The following CDH18 variants were observed in gnomAD, a reference collection of about 807,000 sequenced individuals.
The protein encoded by CDH18 is cadherin-18.
In CDH18, 31 loss-of-function variants were observed where a neutral mutation model predicts 67.9. The ratio of observed to expected loss-of-function variants is 0.46; its 90% CI spans 0.34 to 0.62. The LOEUF (loss-of-function observed/expected upper bound fraction) is 0.62, where lower values mean the gene tolerates loss of function less well. Ranked by LOEUF, CDH18 falls within the 20% of genes least tolerant of loss-of-function variation. The pLI is 0.01. For synonymous variants in CDH18, 362 were observed against 347.2 expected (o/e 1.04, Z -0.48); for missense variants, 890 against 975.5 (o/e 0.91, Z 1.17).
At chr5:20,516,819 T>A (rs1047894476) in intron 1 of CDH18, among the ~76,000 whole-genome samples, 2 of 151,926 alleles carry the variant, frequency 1.3e-5, no homozygotes, top group Admixed American at 6.6e-5. Flanking sequence ...TTCTTAACTT[T>A]GGAGAGGCTG....
chr5:19,728,767 T>A (rs1767194890), intron 4 of CDH18, among the ~76,000 whole-genome samples: 1 of 152,184 alleles, frequency 6.6e-6, no homozygotes, highest in Non-Finnish European at 1.5e-5. Context: ...ATAAGAACTT[T>A]GAGTAAAAAT....
intron 3 of CDH18, among the ~76,000 whole-genome samples, chr5:19,820,832 G>A (rs1779795324): frequency 6.6e-6 from 1 of 151,904 alleles, no homozygotes; most frequent in Admixed American, 6.6e-5. Context: ...TACAACTAAG[G>A]AACCCATACA....
chr5:20,252,224 G>A (rs144133661), intron 2 of CDH18, among the ~76,000 whole-genome samples: 1,714 of 152,018 alleles, frequency 0.011, 34 homozygotes, highest in African/African-American at 0.039. Context: ...GGTGGCGCGC[G>A]CCTTTAGTCC....
At chr5:20,248,533 A>C (rs1743561569) in intron 2 of CDH18, among the ~76,000 whole-genome samples, 1 of 152,208 alleles carries the variant, frequency 6.6e-6, no homozygotes, top group East Asian at 1.9e-4. Context: ...TCTCATAAAC[A>C]GAGAATTCTC....
rs185386318 is a variant in CDH18, at chr5:20,279,117, G to C, written c.-579-23612C>G. Among the ~76,000 whole-genome samples, 590 of 151,878 alleles carry C rather than the reference G, an allele frequency of 3.9e-3. 1 individual carries two copies. Among genetic ancestry groups the C allele is most frequent in the Non-Finnish European group, 6.8e-3 (460 of 67,958 alleles). On this transcript the variant is annotated intron_variant, in intron 1 of 14. Transcript: ENST00000507958. ...ATCAAAAGATACAGAGTGGCAGAAT[G>C]GATAAGAAATGAGACTCAAAGATCT... is the stretch of plus-strand genomic sequence containing the variant.
At chr5:19,696,746 G>GA (rs747229072) in intron 5 of CDH18, among the ~76,000 whole-genome samples, 1 of 152,074 alleles carries the variant, frequency 6.6e-6, no homozygotes. Context: ...CATCTATGAT[G>GA]AGAGTACGGG....
chr5:20,090,472 C>T (rs1205406142), intron 2 of CDH18, among the ~76,000 whole-genome samples: 1 of 151,934 alleles, frequency 6.6e-6, no homozygotes, highest in East Asian at 1.9e-4. Flanking sequence ...GAGGCAGAGG[C>T]TGCAATGAGC....
chr5:19,543,948 A>G lies in CDH18; in HGVS notation c.1311T>C (p.Thr437=). ...GAACCTTTGTAGTCCTAATGGTCCCAGTATTGGCATCAATGTTGAAAAATC... is the reference window on the plus strand; with the variant it reads ...GAACCTTTGTAGTCCTAATGGTCCCGGTATTGGCATCAATGTTGAAAAATC... The part of the protein sequence containing the change: ...DDRFFNIDAN[T]GTIRTTKVLD... Residue 437 remains threonine (T), a synonymous_variant, in exon 9 of 13, where the codon ACT becomes ACC. Coordinates refer to ENST00000382275, the MANE Select transcript of CDH18 (RefSeq NM_004934.5). The G allele has an allele frequency of 1.9e-6, 3 of 1,597,130 alleles. No individual in the cohort carries two copies. The highest frequency in any genetic ancestry group is 2.6e-6 in the Non-Finnish European group (3 of 1,167,392).
intron 2 of CDH18, among the ~76,000 whole-genome samples, chr5:20,131,468 T>A (rs1749261234): frequency 6.6e-6 from 1 of 152,104 alleles, no homozygotes; most frequent in Admixed American, 6.6e-5. Context: ...TTTACTTATA[T>A]TAGAGTACGT....
At chr5:20,305,655 G>C (rs956663460) in intron 1 of CDH18, 4 of 417,270 alleles carry the variant, frequency 9.6e-6, no homozygotes, top group East Asian at 5.7e-5. Flanking sequence ...GGGGTGGGGG[G>C]AGCGGCGGTA....
At chr5:20,541,969 G>A (rs982007014) in intron 1 of CDH18, among the ~76,000 whole-genome samples, 31 of 151,992 alleles carry the variant, frequency 2.0e-4, no homozygotes, top group Admixed American at 1.5e-3. Context: ...TTTTTGAGAC[G>A]GAGTCTCGCT....
At chr5:19,882,809 T>C (rs987560505) in intron 2 of CDH18, among the ~76,000 whole-genome samples, 17 of 152,174 alleles carry the variant, frequency 1.1e-4, no homozygotes, top group Non-Finnish European at 2.2e-4. Flanking sequence ...GATTATGGAA[T>C]AGATATTACT....
chr5:19,704,094 G>A (rs1580966298), intron 5 of CDH18, among the ~76,000 whole-genome samples: 3 of 152,268 alleles, frequency 2.0e-5, no homozygotes, highest in African/African-American at 2.4e-5. Flanking sequence ...GAAATTAAAC[G>A]AACAGGAGGA....
intron 7 of CDH18, among the ~76,000 whole-genome samples, chr5:19,580,746 C>T (rs891140806): frequency 2.6e-5 from 4 of 151,946 alleles, no homozygotes; most frequent in Non-Finnish European, 4.4e-5. Context: ...GGACAACAGT[C>T]TGTAAGTGAT....
chr5:20,284,738 T>G (rs1449330642), intron 1 of CDH18, among the ~76,000 whole-genome samples: 2 of 151,910 alleles, frequency 1.3e-5, no homozygotes, highest in African/African-American at 4.8e-5. Flanking sequence ...AAACTAATAT[T>G]TTAAACCATC....
chr5:20,469,030 C>T (rs2471150), intron 1 of CDH18, among the ~76,000 whole-genome samples: 94,950 of 152,104 alleles, frequency 0.62, 31,336 homozygotes, highest in Non-Finnish European at 0.75. Context: ...TCAGCACTAC[C>T]ATTTTCTAGC....
At position 19,899,137 on chromosome 5, in the gene CDH18, C is replaced by T. The variant is rs572412048; in HGVS notation, c.-256-59895G>A. The stretch of plus-strand genomic sequence containing the variant: ...GTCTCAGGCCAGGCACGGTGGCTCA[C>T]GCCTGTAATCCCAGCACTTTGGGAG... On this transcript the variant is annotated intron_variant, in intron 2 of 12. Coordinates refer to ENST00000382275, the MANE Select transcript of CDH18 (RefSeq NM_004934.5). 6.6e-5 allele frequency among the ~76,000 whole-genome samples: 10 copies of T among 152,246 alleles called. No homozygotes were observed. The South Asian group carries it at 1.0e-3, about 16-fold the overall frequency.
chr5:20,225,930 G>A lies in CDH18; in HGVS notation c.-518+29514C>T, dbSNP rs562530893. 2.0e-5 allele frequency among the ~76,000 whole-genome samples: 3 copies of A among 152,140 alleles called. No individual in the cohort carries two copies. The East Asian group carries it at 5.8e-4, about 29-fold the overall frequency. On this transcript the variant is annotated intron_variant, in intron 2 of 14. Coordinates refer to the CDH18 transcript ENST00000507958. The stretch of plus-strand genomic sequence containing the variant: ...TAATTGTAAATGGACGGATGACTAT[G>A]GGACCTGTTTATGATCTTTCAGGAA...
chr5:20,356,749 C>CTATATA (rs1287623869), intron 1 of CDH18, among the ~76,000 whole-genome samples: 1 of 129,162 alleles, frequency 7.7e-6, no homozygotes, highest in African/African-American at 3.2e-5. Context: ...CTCTCTCTCT[C>CTATATA]TCTCTATATA....
Sources: gnomAD v4.1 joint callset for allele counts (sites outside exome capture counted in the v4.1 genomes callset) on GRCh38, gnomAD v4.1.1 for gene constraint, MANE v1.5 for transcripts, NCBI Gene and HGNC (gene_info 2026-07-23, HGNC 2026-07-21) for gene names.